Variants in GRIP1 observed in about 807,000 individuals in gnomAD.
GRIP1 encodes the protein glutamate receptor interacting protein 1.
Under a neutral mutation model 129.9 loss-of-function variants are expected in GRIP1, and 45 were observed. The observed-to-expected ratio is 0.35, with a 90% confidence interval of 0.27 to 0.44. The LOEUF is 0.44. Among genes scored for constraint, GRIP1 ranks in the 20% least tolerant of loss-of-function variants. GRIP1 has a pLI of 1.00. For missense variants in GRIP1, 1,196 were observed against 1,396.8 expected (o/e 0.86, Z 2.29); for synonymous variants, 530 against 520.8 (o/e 1.02, Z -0.24).
chr12:67,016,056 A>T (rs1015358943), intron 1 of GRIP1, among the ~76,000 whole-genome samples: 1 of 152,228 alleles, frequency 6.6e-6, no homozygotes, highest in African/African-American at 2.4e-5. Flanking sequence ...GGTTATGGGG[A>T]TGCCTAAAGT....
chr12:66,591,062 T>G (rs1056228063), intron 2 of GRIP1, among the ~76,000 whole-genome samples: 2 of 152,180 alleles, frequency 1.3e-5, no homozygotes, highest in Non-Finnish European at 2.9e-5. Flanking sequence ...AGATAACAGG[T>G]GAACAAGATA....
chr12:66,510,824 T>C (rs923538499), intron 7 of GRIP1, among the ~76,000 whole-genome samples: 1 of 152,126 alleles, frequency 6.6e-6, no homozygotes, highest in Admixed American at 6.6e-5. Context: ...CTTGTAATAG[T>C]ATGTAAATAA....
At chr12:66,437,124 G>A (rs765743091) in intron 13 of GRIP1, among the ~76,000 whole-genome samples, 2 of 152,120 alleles carry the variant, frequency 1.3e-5, no homozygotes, top group African/African-American at 4.8e-5. Flanking sequence ...TTAATATCTG[G>A]TTGTAAAACA....
At chr12:67,035,910 G>A (rs1383131513) in intron 1 of GRIP1, among the ~76,000 whole-genome samples, 2 of 152,144 alleles carry the variant, frequency 1.3e-5, no homozygotes, top group African/African-American at 2.4e-5. Flanking sequence ...ACTAAAAAGT[G>A]AGGAAAAATG....
At chr12:66,697,181 A>T (rs1467014723) in intron 1 of GRIP1, among the ~76,000 whole-genome samples, 1 of 152,242 alleles carries the variant, frequency 6.6e-6, no homozygotes, top group Non-Finnish European at 1.5e-5. Flanking sequence ...GAACAAAAGG[A>T]CTAAAATCTA....
At chr12:66,525,577 C>G (rs1270126932) in intron 5 of GRIP1, among the ~76,000 whole-genome samples, 1 of 151,466 alleles carries the variant, frequency 6.6e-6, no homozygotes, top group Non-Finnish European at 1.5e-5. Context: ...CAATATCATA[C>G]TGAATGGGCA....
intron 1 of GRIP1, among the ~76,000 whole-genome samples, chr12:66,731,837 T>C (rs1424057477): frequency 2.6e-5 from 4 of 152,188 alleles, no homozygotes; most frequent in African/African-American, 9.7e-5. Flanking sequence ...TTAAGTGGAC[T>C]ATGGCAGGCT....
chr12:66,820,714 A>G (rs886152769), intron 1 of GRIP1, among the ~76,000 whole-genome samples: 5 of 152,162 alleles, frequency 3.3e-5, no homozygotes, highest in African/African-American at 4.8e-5. Context: ...GAAATGAAGG[A>G]AAATTCAATG....
chr12:66,616,291 T>C (rs1396852261), intron 1 of GRIP1, among the ~76,000 whole-genome samples: 3 of 152,128 alleles, frequency 2.0e-5, no homozygotes, highest in African/African-American at 7.2e-5. Context: ...ATGGTGTTAC[T>C]AAAATGACAA....
At chr12:66,455,671 T>C in intron 10 of GRIP1, 107 bp from the exon 11 acceptor site, 1 of 1,042,098 alleles carries the variant, frequency 9.6e-7, no homozygotes, top group South Asian at 1.3e-5. Flanking sequence ...TGCATAGCAA[T>C]GGCTAGGAAG....
intron 5 of GRIP1, among the ~76,000 whole-genome samples, chr12:66,524,987 T>G (rs539041798): frequency 5.3e-5 from 8 of 152,080 alleles, no homozygotes; most frequent in Non-Finnish European, 1.2e-4. Flanking sequence ...CAGGAAGAAG[T>G]TGAATCTCTG....
At chr12:66,909,998 C>T (rs1344093207) in intron 1 of GRIP1, among the ~76,000 whole-genome samples, 6 of 152,174 alleles carry the variant, frequency 3.9e-5, no homozygotes, top group Admixed American at 3.9e-4. Context: ...AATCACAATA[C>T]TCTTCTGTCT....
chr12:67,003,108 T>TA (rs201946484), intron 1 of GRIP1, among the ~76,000 whole-genome samples: 209 of 150,478 alleles, frequency 1.4e-3, no homozygotes, highest in African/African-American at 4.5e-3. Context: ...ACATGCAACT[T>TA]AAAAAAAAAA....
At chr12:66,884,541 C>A (rs1481650889) in intron 1 of GRIP1, among the ~76,000 whole-genome samples, 4 of 152,134 alleles carry the variant, frequency 2.6e-5, no homozygotes, top group African/African-American at 7.2e-5. Flanking sequence ...TATTACTATT[C>A]AGCAGAACTG....
chr12:66,394,348 C>A lies in GRIP1; in HGVS notation c.1989G>T (p.Glu663Asp), dbSNP rs773516463. The change falls in exon 17 of 25, where the codon GAG (glutamate) becomes GAT (aspartate). Residue 663 changes from glutamate (E) to aspartate (D), a missense_variant. Transcript: ENST00000359742. ...KIRKDEDNSDEQESSGAIIYT... is the reference protein window; with the variant it reads ...KIRKDEDNSDDQESSGAIIYT... ...AAATAATTGCTCCGGAACTTTCTTGCTCATCTGTAATAAATGCCAAGGAAT... is the reference window on the plus strand; with the variant it reads ...AAATAATTGCTCCGGAACTTTCTTGATCATCTGTAATAAATGCCAAGGAAT... 6.2e-7 allele frequency: 1 copy of A among 1,613,914 alleles called. No homozygotes were observed. Among genetic ancestry groups the A allele is most frequent in the Non-Finnish European group, 8.5e-7 (1 of 1,179,826 alleles).
intron 1 of GRIP1, among the ~76,000 whole-genome samples, chr12:66,748,339 T>C (rs974743608): frequency 6.6e-6 from 1 of 152,194 alleles, no homozygotes; most frequent in Non-Finnish European, 1.5e-5. Context: ...GTAAGAATTT[T>C]AGAGTCTGGG....
intron 23 of GRIP1, among the ~76,000 whole-genome samples, chr12:66,368,654 C>T (rs998704163): frequency 1.3e-5 from 2 of 152,148 alleles, no homozygotes; most frequent in African/African-American, 2.4e-5. Flanking sequence ...ATGCCACCAC[C>T]GCAAAACAGT....
intron 1 of GRIP1, among the ~76,000 whole-genome samples, chr12:66,885,588 C>A (rs1260716485): frequency 6.6e-6 from 1 of 152,120 alleles, no homozygotes; most frequent in Non-Finnish European, 1.5e-5. Flanking sequence ...GATCACAGAT[C>A]ACGGACACTT....
At chr12:66,837,344 G>A (rs1344017200) in intron 1 of GRIP1, among the ~76,000 whole-genome samples, 1 of 152,168 alleles carries the variant, frequency 6.6e-6, no homozygotes, top group Non-Finnish European at 1.5e-5. Flanking sequence ...GAACAATGAA[G>A]CAACTGATTG....
Sources: allele counts gnomAD v4.1 joint callset (sites outside exome capture counted in the v4.1 genomes callset), GRCh38; gene constraint gnomAD v4.1.1; transcripts MANE v1.5; gene names NCBI Gene and HGNC (gene_info 2026-07-23, HGNC 2026-07-21).